GRM5: variants seen among roughly 807,000 people sequenced by gnomAD.
GRM5 encodes glutamate metabotropic receptor 5.
Under a neutral mutation model 83.1 loss-of-function variants are expected in GRM5, and 19 were observed. The ratio of observed to expected loss-of-function variants is 0.23; its 90% CI spans 0.16 to 0.34. The LOEUF (loss-of-function observed/expected upper bound fraction) is 0.34. Among genes scored for constraint, GRM5 ranks in the 10% least tolerant of loss-of-function variants. GRM5 has a pLI of 1.00. For synonymous variants in GRM5, 675 were observed against 633.6 expected (o/e 1.07, Z -0.98); for missense variants, 1,160 against 1,588.3 (o/e 0.73, Z 4.58).
chr11:88,714,394 A>G (rs1243302906), intron 3 of GRM5, among the ~76,000 whole-genome samples: 2 of 151,970 alleles, frequency 1.3e-5, no homozygotes, highest in Non-Finnish European at 1.5e-5. Flanking sequence ...CCAGCTGCAA[A>G]ATGTGACATC....
At chr11:88,893,780 C>T (rs1945185537) in intron 2 of GRM5, among the ~76,000 whole-genome samples, 1 of 151,960 alleles carries the variant, frequency 6.6e-6, no homozygotes, top group African/African-American at 2.4e-5. Flanking sequence ...CTGTTCCCCA[C>T]ATGACGTCCC....
intron 8 of GRM5, among the ~76,000 whole-genome samples, chr11:88,546,320 G>C (rs1281799264): frequency 1.3e-5 from 2 of 151,902 alleles, no homozygotes; most frequent in East Asian, 1.9e-4. Flanking sequence ...AGTTCTTTGA[G>C]AGCTGAGATT....
intron 3 of GRM5, among the ~76,000 whole-genome samples, chr11:88,829,462 A>T (rs1943948785): frequency 6.6e-6 from 1 of 152,062 alleles, no homozygotes; most frequent in South Asian, 2.1e-4. Context: ...CTTGGTCTCA[A>T]AAACAAACAA....
At position 88,639,023 on chromosome 11, in the gene GRM5, C is replaced by T. The variant is rs146890027; in HGVS notation, c.1147+14145G>A. ...TTCTACTTACTTTGTGGTTAATTTG[C>T]TTTTCTTTTACAAATTTCTTGAGGT... On this transcript the variant is annotated intron_variant, in intron 4 of 9. Coordinates refer to ENST00000305447, the MANE Select transcript of GRM5 (RefSeq NM_001143831.3). Among the ~76,000 whole-genome samples the T allele has an allele frequency of 1.6e-3, 247 of 152,118 alleles. 2 individuals are homozygous for T. Among genetic ancestry groups the T allele is most frequent in the African/African-American group, 5.4e-3 (225 of 41,520 alleles).
At chr11:88,730,558 C>A (rs1454623756) in intron 3 of GRM5, among the ~76,000 whole-genome samples, 1 of 152,074 alleles carries the variant, frequency 6.6e-6, no homozygotes, top group Non-Finnish European at 1.5e-5. Context: ...ACTGTAAAGA[C>A]ACATGCACAC....
chr11:88,950,092 T>C (rs969191982), intron 2 of GRM5, among the ~76,000 whole-genome samples: 1 of 151,386 alleles, frequency 6.6e-6, no homozygotes, highest in Non-Finnish European at 1.5e-5. Flanking sequence ...GCCAGGATGG[T>C]CTCGATCTCC....
chr11:88,585,959 C>T (rs1219124278), intron 7 of GRM5, among the ~76,000 whole-genome samples: 1 of 152,082 alleles, frequency 6.6e-6, no homozygotes. Context: ...GGTTTTCATA[C>T]CAGATTCTTT....
At chr11:88,695,319 AC>A (rs1940876060) in intron 3 of GRM5, among the ~76,000 whole-genome samples, 1 of 152,180 alleles carries the variant, frequency 6.6e-6, no homozygotes, top group African/African-American at 2.4e-5. Context: ...TCATTTCTTA[AC>A]CCAGCCATCT....
intron 8 of GRM5, among the ~76,000 whole-genome samples, chr11:88,537,882 T>A (rs10765604): frequency 0.41 from 62,434 of 152,006 alleles, 15,301 homozygotes; most frequent in East Asian, 0.72. Context: ...GCAAAATGAT[T>A]TGAGAAATTG....
chr11:88,640,230 G>A (rs149466895), intron 4 of GRM5, among the ~76,000 whole-genome samples: 30 of 152,094 alleles, frequency 2.0e-4, no homozygotes, highest in African/African-American at 7.0e-4. Context: ...GCTTCTGATC[G>A]GGATATTTTA....
chr11:88,537,947 A>AAAGTG (rs1223620332), intron 8 of GRM5, among the ~76,000 whole-genome samples: 3 of 152,168 alleles, frequency 2.0e-5, no homozygotes, highest in Non-Finnish European at 4.4e-5. Flanking sequence ...TAAAAGCTGA[A>AAAGTG]AAGTGGGGAA....
chr11:89,034,063 A>T (rs1482460172), intron 2 of GRM5, among the ~76,000 whole-genome samples: 1 of 151,694 alleles, frequency 6.6e-6, no homozygotes, highest in Non-Finnish European at 1.5e-5. Flanking sequence ...GAGGTCGAAT[A>T]GTCCTAAAAA....
At chr11:88,997,333 T>TAAAAAAAAA (rs371168643) in intron 2 of GRM5, among the ~76,000 whole-genome samples, 11 of 119,586 alleles carry the variant, frequency 9.2e-5, no homozygotes, top group Middle Eastern at 4.5e-3. Flanking sequence ...GTCTCAAAAT[T>TAAAAAAAAA]AAAAAAAAAA....
At position 88,969,242 on chromosome 11, in the gene GRM5, T is replaced by TTA. The variant is rs201404622; in HGVS notation, c.661+77968_661+77969dup. 2.4e-3 allele frequency among the ~76,000 whole-genome samples: 362 copies of TTA among 152,092 alleles called. 1 individual carries two copies. The highest frequency in any genetic ancestry group is 8.0e-3 in the African/African-American group (332 of 41,504). ...ATTTTCATATTTTTTCTGTCACTGA[T>TTA]TATATATATATGTATATATTTACTT... On this transcript the variant is annotated intron_variant, in intron 2 of 9. Transcript: ENST00000305447.
chr11:88,655,519 C>T (rs979205613), intron 3 of GRM5, among the ~76,000 whole-genome samples: 3 of 152,086 alleles, frequency 2.0e-5, no homozygotes, highest in Admixed American at 1.3e-4. Context: ...ATTATAATGG[C>T]TCCAATTTAC....
At chr11:88,715,066 G>A (rs1422439234) in intron 3 of GRM5, among the ~76,000 whole-genome samples, 2 of 151,968 alleles carry the variant, frequency 1.3e-5, no homozygotes, top group Non-Finnish European at 2.9e-5. Flanking sequence ...AAATATACAA[G>A]GCTTGTATGT....
At chr11:88,780,133 G>A (rs1223693602) in intron 3 of GRM5, among the ~76,000 whole-genome samples, 1 of 152,080 alleles carries the variant, frequency 6.6e-6, no homozygotes, top group East Asian at 1.9e-4. Context: ...ATGGTATCCT[G>A]TTTTCCTTGT....
intron 2 of GRM5, among the ~76,000 whole-genome samples, chr11:88,949,764 CA>C (rs1313444516): frequency 6.6e-6 from 1 of 152,068 alleles, no homozygotes; most frequent in Non-Finnish European, 1.5e-5. Context: ...TTTTAAATAG[CA>C]AAAACTTTAT....
chr11:88,617,729 G>A (rs1264420827), intron 4 of GRM5, among the ~76,000 whole-genome samples: 2 of 152,104 alleles, frequency 1.3e-5, no homozygotes, highest in Admixed American at 6.6e-5. Context: ...AACAGTGTGC[G>A]GGGGAAAATT....
Sources: gnomAD v4.1 joint callset for allele counts (sites outside exome capture counted in the v4.1 genomes callset) on GRCh38, gnomAD v4.1.1 for gene constraint, MANE v1.5 for transcripts, NCBI Gene and HGNC (gene_info 2026-07-23, HGNC 2026-07-21) for gene names.